The following SORCS2 variants were observed in gnomAD, a reference collection of about 807,000 sequenced individuals.
SORCS2 encodes VPS10 domain-containing receptor SorCS2.
Under a neutral mutation model 141.6 loss-of-function variants are expected in SORCS2, and 100 were observed. The ratio of observed to expected loss-of-function variants is 0.71; its 90% CI spans 0.60 to 0.83. The LOEUF (loss-of-function observed/expected upper bound fraction) is 0.83. Ranked by LOEUF, SORCS2 falls within the 40% of genes least tolerant of loss-of-function variation. SORCS2 has a pLI of 0.00. For synonymous variants in SORCS2, 789 were observed against 676.9 expected (o/e 1.17, Z -2.57); for missense variants, 1,646 against 1,560.2 (o/e 1.05, Z -0.93).
At chr4:7,636,387 G>T (rs1720259176) in intron 3 of SORCS2, among the ~76,000 whole-genome samples, 1 of 152,160 alleles carries the variant, frequency 6.6e-6, no homozygotes. Flanking sequence ...ATGAATGAGT[G>T]AATGAATGAA....
intron 2 of SORCS2, among the ~76,000 whole-genome samples, chr4:7,438,758 A>G (rs188640507): frequency 1.3e-5 from 2 of 151,822 alleles, no homozygotes; most frequent in East Asian, 3.9e-4. Flanking sequence ...ATAATCCAAC[A>G]CACCTGTCCC....
chr4:7,735,862 A>G (rs1712124720), intron 25 of SORCS2, among the ~76,000 whole-genome samples: 1 of 152,110 alleles, frequency 6.6e-6, no homozygotes, highest in Non-Finnish European at 1.5e-5. Flanking sequence ...GGCCACTGCA[A>G]CTGGGGTTTG....
chr4:7,701,837 G>A (rs2109012790), intron 12 of SORCS2, among the ~76,000 whole-genome samples: 1 of 152,334 alleles, frequency 6.6e-6, no homozygotes, highest in Non-Finnish European at 1.5e-5. Context: ...TCTCTTTCCA[G>A]CGTCCCCATG....
intron 1 of SORCS2, among the ~76,000 whole-genome samples, chr4:7,378,871 C>T (rs1722819483): frequency 6.6e-6 from 1 of 152,168 alleles, no homozygotes; most frequent in Non-Finnish European, 1.5e-5. Context: ...GAGGAAAGAC[C>T]ACATTTCCTC....
intron 2 of SORCS2, among the ~76,000 whole-genome samples, chr4:7,516,455 G>T (rs1339752866): frequency 6.6e-6 from 1 of 152,160 alleles, no homozygotes; most frequent in East Asian, 1.9e-4. Context: ...TTTGCACCAC[G>T]TGGGAGGAGA....
At chr4:7,583,096 A>G (rs1716269395) in intron 3 of SORCS2, among the ~76,000 whole-genome samples, 1 of 152,214 alleles carries the variant, frequency 6.6e-6, no homozygotes, top group Admixed American at 6.5e-5. Flanking sequence ...TGCCCAGAAA[A>G]GGCCCTGCCC....
intron 1 of SORCS2, among the ~76,000 whole-genome samples, chr4:7,390,880 C>T (rs893134176): frequency 2.6e-5 from 4 of 152,172 alleles, no homozygotes; most frequent in African/African-American, 9.7e-5. Context: ...CATCGATCGG[C>T]TCTAGTTTTT....
intron 2 of SORCS2, among the ~76,000 whole-genome samples, chr4:7,485,578 T>C (rs1479379235): frequency 6.6e-6 from 1 of 152,264 alleles, no homozygotes; most frequent in African/African-American, 2.4e-5. Context: ...CAACACACTC[T>C]TGTTATTTTT....
chr4:7,699,125 G>C (rs975151820), intron 12 of SORCS2, among the ~76,000 whole-genome samples: 2 of 152,200 alleles, frequency 1.3e-5, no homozygotes, highest in Admixed American at 1.3e-4. Context: ...AAACATTACA[G>C]AGCCCCTGGC....
At chr4:7,267,834 G>GA (rs1259295174) in intron 1 of SORCS2, among the ~76,000 whole-genome samples, 1 of 152,030 alleles carries the variant, frequency 6.6e-6, no homozygotes, top group Non-Finnish European at 1.5e-5. Flanking sequence ...TCCGTCTCAA[G>GA]AAAAAAAATA....
chr4:7,344,888 G>C (rs887868885), intron 1 of SORCS2, among the ~76,000 whole-genome samples: 4 of 152,186 alleles, frequency 2.6e-5, no homozygotes, highest in African/African-American at 9.7e-5. Flanking sequence ...GTGGATCGGA[G>C]GGGGAGTCTG....
chr4:7,320,144 A>G (rs1457502047), intron 1 of SORCS2, among the ~76,000 whole-genome samples: 1 of 152,266 alleles, frequency 6.6e-6, no homozygotes, highest in Non-Finnish European at 1.5e-5. Flanking sequence ...CTCTACAAAA[A>G]AAATGAAAAT....
intron 26 of SORCS2, among the ~76,000 whole-genome samples, chr4:7,738,168 A>G (rs1213881694): frequency 2.0e-5 from 3 of 152,222 alleles, no homozygotes; most frequent in South Asian, 2.1e-4. Flanking sequence ...CAGGCACTAT[A>G]GTTCTTTCTC....
intron 1 of SORCS2, among the ~76,000 whole-genome samples, chr4:7,301,642 C>T (rs1263378690): frequency 6.6e-6 from 1 of 152,228 alleles, no homozygotes; most frequent in Non-Finnish European, 1.5e-5. Flanking sequence ...CGGCCCAAAC[C>T]CTCTGTGTTC....
intron 1 of SORCS2, among the ~76,000 whole-genome samples, chr4:7,311,139 A>G (rs1376684593): frequency 6.6e-6 from 1 of 152,000 alleles, no homozygotes; most frequent in African/African-American, 2.4e-5. Context: ...TCCCGCCACT[A>G]TAGATCAGTT....
chr4:7,329,945 C>G (rs968255103), intron 1 of SORCS2, among the ~76,000 whole-genome samples: 1 of 152,110 alleles, frequency 6.6e-6, no homozygotes, highest in Admixed American at 6.5e-5. Context: ...TTTGGTCTTA[C>G]ACTTTGAGAG....
At chr4:7,635,201 TG>T in intron 3 of SORCS2, among the ~76,000 whole-genome samples, 1 of 152,284 alleles carries the variant, frequency 6.6e-6, no homozygotes, top group South Asian at 2.1e-4. Flanking sequence ...TCAGCTAAAA[TG>T]CCCCATCCTG....
At chr4:7,306,038 C>T (rs1424202910) in intron 1 of SORCS2, among the ~76,000 whole-genome samples, 2 of 152,204 alleles carry the variant, frequency 1.3e-5, no homozygotes, top group Non-Finnish European at 2.9e-5. Context: ...CAGTCACTCC[C>T]TTCCTCGACA....
rs547211508 is a variant in SORCS2, at chr4:7,500,091, C to T, written c.549-31439C>T. 9.8e-5 allele frequency among the ~76,000 whole-genome samples: 15 copies of T among 152,290 alleles called. No homozygotes were observed. In the East Asian group the frequency reaches 1.2e-3, roughly 12 times the overall value. On this transcript the variant is annotated intron_variant, in intron 2 of 26. Coordinates refer to ENST00000507866, the MANE Select transcript of SORCS2 (RefSeq NM_020777.3). ...GCTCTGACCTCACGGGCTTTCTTTCCGGCTTCTGGCACCCCCATCCTGCCT... is the reference window on the plus strand; with the variant it reads ...GCTCTGACCTCACGGGCTTTCTTTCTGGCTTCTGGCACCCCCATCCTGCCT...
Sources: gnomAD v4.1 joint callset for allele counts (sites outside exome capture counted in the v4.1 genomes callset) on GRCh38, gnomAD v4.1.1 for gene constraint, MANE v1.5 for transcripts, NCBI Gene and HGNC (gene_info 2026-07-23, HGNC 2026-07-21) for gene names.